The following CLSTN1 variants were observed in gnomAD, a reference collection of about 807,000 sequenced individuals.
CLSTN1 encodes calsyntenin 1.
A neutral mutation model predicts 108.3 loss-of-function variants in CLSTN1; 28 were observed. The observed-to-expected ratio is 0.26, with a 90% CI of 0.19 to 0.35. CLSTN1 has a LOEUF of 0.35. CLSTN1 is among the 10% of genes least tolerant of loss of function. The pLI, the probability that CLSTN1 is intolerant of heterozygous loss-of-function variation, is 1.00. For missense variants in CLSTN1, 1,157 were observed against 1,302.6 expected (o/e 0.89, Z 1.72); for synonymous variants, 524 against 534.9 (o/e 0.98, Z 0.28).
At chr1:9,773,159 C>T (rs998408513) in intron 2 of CLSTN1, 113 bp downstream of exon 2, 1 of 1,406,814 alleles carries the variant, frequency 7.1e-7, no homozygotes, top group Non-Finnish European at 9.8e-7. Flanking sequence ...CTACAAATAA[C>T]CCTCAGCTAT....
chr1:9,729,869 CGGGGT>C lies in CLSTN1; in HGVS notation c.*634_*638del. ...GAGCAGGGGCTGGGGCGGGGCTGGG[CGGGGT>C]GGGCCTCTCCCTCTGGGGTCTGGGG... is the stretch of plus-strand genomic sequence containing the variant. On this transcript the variant is annotated 3_prime_UTR_variant, in exon 19 of 19. Coordinates refer to ENST00000377298, the MANE Select transcript of CLSTN1 (RefSeq NM_001009566.3). The C allele has an allele frequency of 6.6e-6, 1 of 151,032 alleles. No individual in the cohort carries two copies. Among genetic ancestry groups the C allele is most frequent in the East Asian group, 2.1e-4 (1 of 4,656 alleles). 9.4% of individuals were successfully genotyped at this position (151,032 alleles called of 1,614,324 possible). A position where few individuals can be genotyped will look rare whatever the true frequency, so the allele number is the denominator to read the frequency against.
At chr1:9,798,743 A>G (rs1413124214) in intron 1 of CLSTN1, among the ~76,000 whole-genome samples, 3 of 152,210 alleles carry the variant, frequency 2.0e-5, no homozygotes, top group Admixed American at 2.0e-4. Context: ...TGGGGCTTCC[A>G]GTTTCCAGTA....
intron 1 of CLSTN1, among the ~76,000 whole-genome samples, chr1:9,781,436 A>G (rs567594434): frequency 6.6e-6 from 1 of 151,982 alleles, no homozygotes; most frequent in East Asian, 1.9e-4. Context: ...TGTTTACATC[A>G]CATCTTATTC....
intron 1 of CLSTN1, among the ~76,000 whole-genome samples, chr1:9,785,896 C>A (rs1413410288): frequency 6.6e-6 from 1 of 151,906 alleles, no homozygotes; most frequent in African/African-American, 2.4e-5. Flanking sequence ...CACATTAAGG[C>A]CGGGCACGGT....
chr1:9,807,293 G>A (rs1200401866), intron 1 of CLSTN1, among the ~76,000 whole-genome samples: 1 of 151,944 alleles, frequency 6.6e-6, no homozygotes, highest in African/African-American at 2.4e-5. Flanking sequence ...AGTTTCAAGG[G>A]GAAGCCTGCA....
At chr1:9,801,889 G>A (rs1654287493) in intron 1 of CLSTN1, among the ~76,000 whole-genome samples, 3 of 152,100 alleles carry the variant, frequency 2.0e-5, no homozygotes, top group African/African-American at 7.2e-5. Context: ...ACCAGACAAA[G>A]ATGTTACAAG....
At chr1:9,800,915 G>C (rs1654236813) in intron 1 of CLSTN1, among the ~76,000 whole-genome samples, 1 of 151,736 alleles carries the variant, frequency 6.6e-6, no homozygotes, top group African/African-American at 2.4e-5. Flanking sequence ...CTCCAGCCTA[G>C]ACAACAGAGT....
At chr1:9,784,814 T>C (rs1653405918) in intron 1 of CLSTN1, among the ~76,000 whole-genome samples, 1 of 152,202 alleles carries the variant, frequency 6.6e-6, no homozygotes, top group African/African-American at 2.4e-5. Context: ...GGCGAGCTAG[T>C]AGGCCCTTGT....
intron 2 of CLSTN1, among the ~76,000 whole-genome samples, chr1:9,768,756 C>T (rs1348463075): frequency 1.9e-4 from 9 of 46,332 alleles, no homozygotes; most frequent in Non-Finnish European, 2.8e-4. Context: ...ATCATGGGGG[C>T]GGGGTTCTGT....
chr1:9,743,724 GTTT>G (rs140596224), intron 9 of CLSTN1, among the ~76,000 whole-genome samples, 157 bp downstream of exon 9: 1 of 143,610 alleles, frequency 7.0e-6, no homozygotes, highest in Admixed American at 7.0e-5. Context: ...ATTTTCGTGG[GTTT>G]TTTTTTTTTT....
intron 18 of CLSTN1, 128 bp downstream of exon 18, chr1:9,731,078 C>A (rs752167355): frequency 8.9e-7 from 1 of 1,129,522 alleles, no homozygotes; most frequent in African/African-American, 1.5e-5. Flanking sequence ...GACACCTAAG[C>A]CCCAGGCTTG....
rs138990679 is a variant in CLSTN1 at position 9,803,470 on chromosome 1, C to T, written c.91+20173G>A. 4.2e-3 allele frequency among the ~76,000 whole-genome samples: 636 copies of T among 152,258 alleles called. 12 individuals are homozygous for T. In the East Asian group the frequency reaches 0.043, roughly 10 times the overall value. Reference sequence around the variant, plus strand: ...GAAAAGATTTTTCATAAAAATAAAGCAAACAGTAGCACAAAGGTCTTTTAT... The same window carrying T: ...GAAAAGATTTTTCATAAAAATAAAGTAAACAGTAGCACAAAGGTCTTTTAT... On this transcript the variant is annotated intron_variant, in intron 1 of 18. Coordinates refer to ENST00000377298, the MANE Select transcript of CLSTN1 (RefSeq NM_001009566.3).
At position 9,731,221 on chromosome 1, in the gene CLSTN1, G is replaced by A. The variant is rs367682356; in HGVS notation, c.2733C>T (p.Thr911=). 144 of 1,614,070 alleles carry A rather than the reference G, an allele frequency of 8.9e-5. No homozygotes were observed. The highest frequency in any genetic ancestry group is 7.5e-5 in the Non-Finnish European group (89 of 1,180,054). The change falls in exon 18 of 19, where the codon ACC becomes ACT. Residue 911 remains threonine, a synonymous_variant. Coordinates refer to ENST00000377298, the MANE Select transcript of CLSTN1 (RefSeq NM_001009566.3). ...MDWDDSALTI[T]VNPMETYEDQ... ...CCACTCCTACCTCCATGGGGTTGAC[G>A]GTGATGGTCAGGGCAGAGTCGTCCC...
At chr1:9,797,859 T>C (rs1654078801) in intron 1 of CLSTN1, among the ~76,000 whole-genome samples, 2 of 151,812 alleles carry the variant, frequency 1.3e-5, no homozygotes, top group Non-Finnish European at 2.9e-5. Context: ...AAATACTGTA[T>C]GAGGCGGGCA....
intron 9 of CLSTN1, among the ~76,000 whole-genome samples, chr1:9,742,212 G>C (rs1651018896): frequency 6.6e-6 from 1 of 152,082 alleles, no homozygotes; most frequent in South Asian, 2.1e-4. Context: ...AAATTTTACT[G>C]TTAGGTTTTT....
intron 7 of CLSTN1, among the ~76,000 whole-genome samples, chr1:9,746,999 G>C (rs1651299040): frequency 6.6e-6 from 1 of 151,492 alleles, no homozygotes; most frequent in South Asian, 2.1e-4. Context: ...CGCCAACATG[G>C]TGAAATCCCA....
intron 2 of CLSTN1, among the ~76,000 whole-genome samples, chr1:9,761,449 T>A (rs979847122): frequency 2.6e-5 from 4 of 152,294 alleles, no homozygotes; most frequent in African/African-American, 9.6e-5. Flanking sequence ...GCCATTATCA[T>A]GCCACTGCAC....
chr1:9,780,820 T>A (rs187693916), intron 1 of CLSTN1: 22 of 206,862 alleles, frequency 1.1e-4, no homozygotes, highest in Admixed American at 5.5e-4. Context: ...CAAACTAAAC[T>A]GCTTCTCCTG....
At chr1:9,735,657 T>C in intron 12 of CLSTN1, 42 bp from the exon 13 acceptor site, 1 of 1,611,666 alleles carries the variant, frequency 6.2e-7, no homozygotes. Context: ...AATAAGCCAG[T>C]AACCGCAGGA....
Sources: allele counts gnomAD v4.1 joint callset (sites outside exome capture counted in the v4.1 genomes callset), GRCh38; gene constraint gnomAD v4.1.1; transcripts MANE v1.5; gene names NCBI Gene and HGNC (gene_info 2026-07-23, HGNC 2026-07-21).